The following MED17 variants were observed in gnomAD, a reference collection of about 807,000 sequenced individuals.
MED17 encodes mediator complex subunit 17, also known as mediator of RNA polymerase II transcription subunit 17.
In MED17, 49 loss-of-function variants were observed where a neutral mutation model predicts 80.8. That is an observed-to-expected ratio of 0.61 (90% CI 0.48 to 0.77). The LOEUF (loss-of-function observed/expected upper bound fraction) is 0.77, where lower values mean the gene tolerates loss of function less well. Ranked by LOEUF, MED17 falls within the 30% of genes least tolerant of loss-of-function variation. The probability of loss-of-function intolerance (pLI) is 0.00; values close to 1 mark genes in which losing one functional copy is unlikely to be tolerated. For synonymous variants in MED17, 281 were observed against 280.4 expected (o/e 1.00, Z -0.02); for missense variants, 718 against 787.0 (o/e 0.91, Z 1.05).
intron 2 of MED17, chr11:93,789,798 A>AC (rs1381905191): frequency 7.4e-6 from 1 of 135,478 alleles, no homozygotes; most frequent in Non-Finnish European, 1.5e-5. Context: ...GTCTCTACCA[A>AC]AAAAAAAAAA....
At chr11:93,808,424 A>C (rs937375347) in intron 10 of MED17, 12 of 150,822 alleles carry the variant, frequency 8.0e-5, no homozygotes, top group African/African-American at 2.7e-4. Flanking sequence ...CTCTACGACA[A>C]ACTTGCTTTG....
intron 6 of MED17, 27 bp from the exon 7 acceptor site, chr11:93,796,383 A>G (rs769667447): frequency 2.5e-6 from 4 of 1,590,478 alleles, no homozygotes; most frequent in East Asian, 4.5e-5. Context: ...GGTTATTTAC[A>G]TATGTCCTCC....
intron 6 of MED17, 73 bp downstream of exon 6, chr11:93,795,133 C>G: frequency 3.3e-6 from 5 of 1,514,266 alleles, no homozygotes; most frequent in Non-Finnish European, 4.6e-6. Flanking sequence ...GAAGGTAGCT[C>G]TTAGGGTGTA....
intron 11 of MED17, chr11:93,811,641 AT>A (rs1944086196): frequency 1.8e-6 from 1 of 569,704 alleles, no homozygotes; most frequent in African/African-American, 1.9e-5. Flanking sequence ...TGTGGTACAA[AT>A]AATAATTCAT....
intron 9 of MED17, among the ~76,000 whole-genome samples, chr11:93,804,736 A>G (rs1235898808): frequency 2.6e-5 from 4 of 152,224 alleles, no homozygotes; most frequent in Non-Finnish European, 4.4e-5. Flanking sequence ...GGTCTTTAGT[A>G]TATTCCCTAT....
intron 9 of MED17, among the ~76,000 whole-genome samples, chr11:93,804,902 G>A (rs1057298025): frequency 6.6e-6 from 1 of 152,160 alleles, no homozygotes; most frequent in Non-Finnish European, 1.5e-5. Context: ...AATACAATGG[G>A]ATCAATTAGG....
rs554997714 is a variant in MED17 at position 93,787,988 on chromosome 11, T to A, written c.251-13T>A. The A allele has an allele frequency of 1.2e-6, 2 of 1,612,564 alleles. No individual in the cohort carries two copies. Among genetic ancestry groups the A allele is most frequent in the Non-Finnish European group, 8.5e-7 (1 of 1,178,670 alleles). ...TACTTCTGTATTTCTTTTTTTTCTC[T>A]CTCTCTTTTTAGGAGTGGTAAAATT... On this transcript the variant is annotated splice_polypyrimidine_tract_variant and intron_variant, in intron 1 of 11. Transcript: ENST00000251871.
intron 10 of MED17, chr11:93,807,900 A>C: frequency 2.1e-6 from 1 of 470,254 alleles, no homozygotes; most frequent in Non-Finnish European, 3.9e-6. Flanking sequence ...TTTTTCCCAC[A>C]TGTCATATTT....
At chr11:93,785,421 T>G (rs141212291) in intron 1 of MED17, among the ~76,000 whole-genome samples, 57 of 152,224 alleles carry the variant, frequency 3.7e-4, no homozygotes, top group African/African-American at 1.3e-3. Flanking sequence ...GGTTTCAGAT[T>G]CTCATTATTG....
chr11:93,798,891 C>T (rs1188206471), intron 8 of MED17, among the ~76,000 whole-genome samples: 1 of 152,156 alleles, frequency 6.6e-6, no homozygotes, highest in African/African-American at 2.4e-5. Context: ...TCTGATTGAC[C>T]ATAAATTTAA....
intron 6 of MED17, chr11:93,795,734 T>C (rs1355789741): frequency 6.5e-6 from 1 of 153,716 alleles, no homozygotes; most frequent in Non-Finnish European, 1.4e-5. Context: ...TAGGTTTTAG[T>C]GGTGAGAAAT....
intron 9 of MED17, among the ~76,000 whole-genome samples, chr11:93,803,542 G>A (rs1029677267): frequency 1.3e-5 from 2 of 152,128 alleles, no homozygotes; most frequent in Non-Finnish European, 2.9e-5. Flanking sequence ...GTTAAACATA[G>A]ATGAAACAAG....
At chr11:93,801,576 G>C (rs1353468707) in intron 8 of MED17, 3 of 446,008 alleles carry the variant, frequency 6.7e-6, no homozygotes, top group Admixed American at 7.0e-5. Flanking sequence ...GAGTTAAAGG[G>C]AATAAACCCA....
At chr11:93,790,240 C>A in intron 2 of MED17, 1 of 421,556 alleles carries the variant, frequency 2.4e-6, no homozygotes, top group Non-Finnish European at 4.6e-6. Flanking sequence ...TTATATATAA[C>A]TATATGTGTG....
At chr11:93,805,022 TATTC>T (rs1178163978) in intron 9 of MED17, among the ~76,000 whole-genome samples, 1 of 152,250 alleles carries the variant, frequency 6.6e-6, no homozygotes, top group Non-Finnish European at 1.5e-5. Flanking sequence ...CAGTTAAAAT[TATTC>T]ATGTGGCCAT....
chr11:93,799,054 G>C (rs1184354425), intron 8 of MED17, among the ~76,000 whole-genome samples: 1 of 152,136 alleles, frequency 6.6e-6, no homozygotes, highest in Non-Finnish European at 1.5e-5. Context: ...AAAAGACCCT[G>C]TCTGGGCATG....
At chr11:93,804,020 TATATATACAC>T (rs1260865634) in intron 9 of MED17, among the ~76,000 whole-genome samples, 1,537 of 21,090 alleles carry the variant, frequency 0.073, 33 homozygotes, top group African/African-American at 0.09. Context: ...TATATATATA[TATATATACAC>T]ACACACATAT....
chr11:93,796,561 C>G, intron 7 of MED17, 21 bp downstream of exon 7: 1 of 1,613,396 alleles, frequency 6.2e-7, no homozygotes, highest in Non-Finnish European at 8.5e-7. Context: ...AAATGTTTTT[C>G]TTTGCGCTGT....
At position 93,784,623 on chromosome 11, in the gene MED17, C is replaced by A; in HGVS notation, c.110C>A (p.Ser37Ter). The part of the protein sequence containing the change: ...TETYLPPLSM[S>*]QNLARLAQRI... ...ACGTACCTGCCCCCGCTGTCCATGT[C>A]GCAGAATCTGGCGCGTCTGGCCCAG... is the stretch of plus-strand genomic sequence containing the variant. The change falls in exon 1 of 12, where the codon TCG becomes TAG. Residue 37 changes from serine (S) to a stop codon, truncating the protein, a stop_gained. Transcript: ENST00000251871. LOFTEE classifies it high-confidence loss of function. The A allele has an allele frequency of 6.3e-7, 1 of 1,593,860 alleles. No individual in the cohort carries two copies. Among genetic ancestry groups the A allele is most frequent in the Non-Finnish European group, 8.5e-7 (1 of 1,171,476 alleles).
Sources: gnomAD v4.1 joint callset for allele counts (sites outside exome capture counted in the v4.1 genomes callset) on GRCh38, gnomAD v4.1.1 for gene constraint, MANE v1.5 for transcripts, NCBI Gene and HGNC (gene_info 2026-07-23, HGNC 2026-07-21) for gene names.